The following CCT6A variants were observed in gnomAD, a reference collection of about 807,000 sequenced individuals.
The protein encoded by CCT6A is T-complex protein 1 subunit zeta.
Under a neutral mutation model 58.6 loss-of-function variants are expected in CCT6A, and 6 were observed. The observed-to-expected ratio is 0.10, with a 90% CI of 0.06 to 0.20. CCT6A has a LOEUF of 0.20. CCT6A is among the 10% of genes least tolerant of loss of function. The pLI is 1.00. For synonymous variants in CCT6A, 245 were observed against 227.8 expected (o/e 1.08, Z -0.68); for missense variants, 516 against 648.8 (o/e 0.80, Z 2.22).
In CCT6A at chr7:56,055,930, T is replaced by C. The variant is rs1794294761; in HGVS notation, c.510+133T>C. The C allele has an allele frequency of 4.8e-6, 3 of 629,004 alleles. No individual in the cohort carries two copies. In the East Asian group the frequency reaches 8.4e-5, roughly 18 times the overall value. The allele number at this position is 629,004 out of a possible 1,614,324, so 39.0% of individuals were successfully genotyped here. ...GGTTCATTTTTGTGGCAATGATACC[T>C]AATCTGTGTCTCTAAAAATGAGGAA... On this transcript the variant is annotated intron_variant, in intron 4 of 13. Coordinates refer to ENST00000275603, the MANE Select transcript of CCT6A (RefSeq NM_001762.4).
intron 3 of CCT6A, 23 bp downstream of exon 3, chr7:56,054,526 T>TA (rs1231444679): frequency 6.3e-7 from 1 of 1,598,378 alleles, no homozygotes; most frequent in Admixed American, 1.7e-5. Flanking sequence ...CTTGTTTCTG[T>TA]AATTTTTTTT....
intron 6 of CCT6A, 113 bp from the exon 7 acceptor site, chr7:56,058,249 A>C (rs1354571903): frequency 1.1e-6 from 1 of 887,350 alleles, no homozygotes; most frequent in South Asian, 1.7e-5. Flanking sequence ...CTGAAGATGC[A>C]TAAGGGGCAG....
At chr7:56,054,184 A>T (rs1450629133) in intron 2 of CCT6A, among the ~76,000 whole-genome samples, 185 bp from the exon 3 acceptor site, 1 of 152,236 alleles carries the variant, frequency 6.6e-6, no homozygotes, top group Non-Finnish European at 1.5e-5. Context: ...AATAAATTAC[A>T]CATGAAGACG....
intron 10 of CCT6A, 42 bp downstream of exon 10, chr7:56,060,458 C>G: frequency 6.2e-7 from 1 of 1,603,844 alleles, no homozygotes; most frequent in Admixed American, 1.7e-5. Flanking sequence ...TATTGTTTTG[C>G]TGGTCTGAAA....
At chr7:56,062,802 T>A in intron 13 of CCT6A, 47 bp downstream of exon 13, 1 of 1,491,120 alleles carries the variant, frequency 6.7e-7, no homozygotes, top group Non-Finnish European at 9.3e-7. Context: ...ATCATACTTT[T>A]TTCATTTGGT....
chr7:56,054,348 T>C (rs1379655505), intron 2 of CCT6A, 21 bp from the exon 3 acceptor site: 18 of 1,585,104 alleles, frequency 1.1e-5, no homozygotes, highest in Non-Finnish European at 1.5e-5. Context: ...TTTAAGTGAT[T>C]CATTCTTTTT....
Position 56,051,938 on chromosome 7 carries a change from G to T in CCT6A, c.90G>T (p.Leu30=), listed in dbSNP as rs759582519. The T allele has an allele frequency of 3.9e-6, 6 of 1,548,546 alleles. No homozygotes were observed. Among genetic ancestry groups the T allele is most frequent in the Non-Finnish European group, 5.2e-6 (6 of 1,146,078 alleles). Residue 30 remains leucine (L), a synonymous_variant, in exon 1 of 14, where the codon CTG becomes CTT. Transcript: ENST00000275603. ...LAVNISAARG[L]QDVLRTNLGP... Reference sequence around the variant, plus strand: ...TCAACATCAGCGCAGCGCGGGGTCTGCAGGACGTGCTAAGGACCAACCTGG... The same window carrying T: ...TCAACATCAGCGCAGCGCGGGGTCTTCAGGACGTGCTAAGGACCAACCTGG...
In CCT6A at chr7:56,055,548, A is replaced by G. The variant is rs1331837788; in HGVS notation, c.337-76A>G. 16 of 1,261,242 alleles carry G rather than the reference A, an allele frequency of 1.3e-5. No homozygotes were observed. In the East Asian group the frequency reaches 1.6e-4, roughly 13 times the overall value. 78.1% of individuals were successfully genotyped at this position (1,261,242 alleles called of 1,614,324 possible). A position where few individuals can be genotyped will look rare whatever the true frequency, so the allele number is the denominator to read the frequency against. The stretch of plus-strand genomic sequence containing the variant: ...TATGATGATCCAGAACACTCCTTCA[A>G]TAATTACCTGAACTTTATCATGAAC... On this transcript the variant is annotated intron_variant, in intron 3 of 13. Transcript: ENST00000275603.
chr7:56,055,129 C>T (rs371463252), intron 3 of CCT6A, among the ~76,000 whole-genome samples: 8 of 152,104 alleles, frequency 5.3e-5, no homozygotes, highest in Non-Finnish European at 1.5e-5. Flanking sequence ...CAAAAATTAG[C>T]CAGGCGTGGT....
chr7:56,061,379 T>G (rs1383263909), intron 11 of CCT6A, among the ~76,000 whole-genome samples: 2 of 151,034 alleles, frequency 1.3e-5, no homozygotes, highest in Non-Finnish European at 3.0e-5. Flanking sequence ...ATGAGTTTTT[T>G]TTTTTTTTTT....
chr7:56,052,440 A>C lies in CCT6A; in HGVS notation c.156A>C (p.Gly52=). The change falls in exon 2 of 14, where the codon GGA becomes GGC. Residue 52 remains glycine, a synonymous_variant. Transcript: ENST00000275603. The stretch of plus-strand genomic sequence containing the variant: ...TAAACAGGCTCGTTTCTGGCGCTGG[A>C]GACATCAAACTTACTAAAGACGGCA... ...GTMKMLVSGA[G]DIKLTKDGNV... 15 of 1,614,046 alleles carry C rather than the reference A, an allele frequency of 9.3e-6. No homozygotes were observed. Among genetic ancestry groups the C allele is most frequent in the Non-Finnish European group, 1.3e-5 (15 of 1,179,892 alleles).
At chr7:56,052,362 T>G in intron 1 of CCT6A, 60 bp from the exon 2 acceptor site, 1 of 1,481,902 alleles carries the variant, frequency 6.7e-7, no homozygotes, top group Non-Finnish European at 9.4e-7. Flanking sequence ...CGTTTTCTAA[T>G]GGGACTTTTA....
intron 12 of CCT6A, 160 bp from the exon 13 acceptor site, chr7:56,062,523 C>CG (rs1002468107): frequency 1.5e-6 from 1 of 667,084 alleles, no homozygotes; most frequent in African/African-American, 1.8e-5. Flanking sequence ...ATATTGTGGA[C>CG]GGGGGTCATG....
At chr7:56,052,128 C>T (rs1794115433) in intron 1 of CCT6A, 143 bp downstream of exon 1, 6 of 701,554 alleles carry the variant, frequency 8.6e-6, no homozygotes, top group Non-Finnish European at 1.1e-5. Flanking sequence ...GTCCTGTGTC[C>T]CTCCTAAGCC....
intron 7 of CCT6A, 27 bp downstream of exon 7, chr7:56,058,548 C>G (rs762437715): frequency 6.4e-7 from 1 of 1,571,010 alleles, no homozygotes; most frequent in South Asian, 1.1e-5. Flanking sequence ...AATGTATAAA[C>G]TAAATAGTAC....
At chr7:56,052,303 G>A in intron 1 of CCT6A, 119 bp from the exon 2 acceptor site, 2 of 873,700 alleles carry the variant, frequency 2.3e-6, no homozygotes, top group Middle Eastern at 2.2e-4. Flanking sequence ...CCATCCTGCT[G>A]GACATAACTA....
intron 2 of CCT6A, 72 bp from the exon 3 acceptor site, chr7:56,054,297 C>G: frequency 7.5e-7 from 1 of 1,333,256 alleles, no homozygotes; most frequent in South Asian, 1.4e-5. Context: ...GAGGCCCTTC[C>G]TGCATTTTGT....
intron 2 of CCT6A, among the ~76,000 whole-genome samples, chr7:56,052,792 TC>T (rs386418420): frequency 0.64 from 95,166 of 148,376 alleles, 31,084 homozygotes; most frequent in Non-Finnish European, 0.69. Context: ...TCTTTTCTTT[TC>T]TTTTTTTTTT....
chr7:56,052,678 G>A (rs1277110941), intron 2 of CCT6A, among the ~76,000 whole-genome samples, 193 bp downstream of exon 2: 1 of 152,072 alleles, frequency 6.6e-6, no homozygotes, highest in Non-Finnish European at 1.5e-5. Flanking sequence ...TTCACAGTCC[G>A]GGCTAAAGGG....
Sources: gnomAD v4.1 joint callset for allele counts (sites outside exome capture counted in the v4.1 genomes callset) on GRCh38, gnomAD v4.1.1 for gene constraint, MANE v1.5 for transcripts, NCBI Gene and HGNC (gene_info 2026-07-23, HGNC 2026-07-21) for gene names.